The following PACSIN2 variants were observed in gnomAD, a reference collection of about 807,000 sequenced individuals.
The protein encoded by PACSIN2 is protein kinase C and casein kinase substrate in neurons 2.
A neutral mutation model predicts 63.8 loss-of-function variants in PACSIN2; 25 were observed. The observed-to-expected ratio is 0.39, with a 90% CI of 0.29 to 0.55. The LOEUF (loss-of-function observed/expected upper bound fraction) is 0.55, where lower values mean the gene tolerates loss of function less well. PACSIN2 is among the 20% of genes least tolerant of loss of function. PACSIN2 has a pLI of 0.62. For synonymous variants in PACSIN2, 255 were observed against 256.2 expected (o/e 1.00, Z 0.05); for missense variants, 518 against 646.9 (o/e 0.80, Z 2.16).
At chr22:42,879,261 T>C (rs1007509456) in intron 7 of PACSIN2, 92 bp from the exon 8 acceptor site, 17 of 1,412,644 alleles carry the variant, frequency 1.2e-5, no homozygotes, top group African/African-American at 1.1e-4. Context: ...GAGCCTGCAG[T>C]TGGCTCTGTG....
In PACSIN2 at chr22:42,989,891, C is replaced by G. The variant is rs551736365; in HGVS notation, c.-78+25130G>C. On this transcript the variant is annotated intron_variant, in intron 1 of 10. Coordinates refer to ENST00000263246, the MANE Select transcript of PACSIN2 (RefSeq NM_001184970.3). Reference sequence around the variant, plus strand: ...AAATATATATATATATATATACACACACACACACATATATGTATATATATG... The same window carrying G: ...AAATATATATATATATATATACACAGACACACACATATATGTATATATATG... Among the ~76,000 whole-genome samples, 449 of 148,566 alleles carry G rather than the reference C, an allele frequency of 3.0e-3. 3 individuals are homozygous for G. Among genetic ancestry groups the G allele is most frequent in the African/African-American group, 0.011 (442 of 40,480 alleles).
chr22:42,983,504 A>AC (rs1372550295), intron 1 of PACSIN2, among the ~76,000 whole-genome samples: 4 of 151,790 alleles, frequency 2.6e-5, no homozygotes, highest in Non-Finnish European at 2.9e-5. Flanking sequence ...AAAAAAAAAA[A>AC]AAAACAGATA....
intron 1 of PACSIN2, among the ~76,000 whole-genome samples, chr22:43,014,746 G>A (rs1382186180): frequency 1.4e-5 from 2 of 145,616 alleles, no homozygotes; most frequent in Admixed American, 6.8e-5. Context: ...CTCCCACAGC[G>A]CCGCCCCCAT....
intron 2 of PACSIN2, among the ~76,000 whole-genome samples, chr22:42,910,447 C>T (rs1931373419): frequency 6.6e-6 from 1 of 152,228 alleles, no homozygotes; most frequent in Admixed American, 6.5e-5. Flanking sequence ...GAGGCCACAG[C>T]CTCTCTGGGG....
chr22:42,944,245 G>C (rs969373597), intron 1 of PACSIN2, among the ~76,000 whole-genome samples: 3 of 152,208 alleles, frequency 2.0e-5, no homozygotes, highest in Admixed American at 2.0e-4. Flanking sequence ...GGGACACACA[G>C]ATCAAGCGAG....
At chr22:42,885,631 G>A (rs925836044) in intron 5 of PACSIN2, among the ~76,000 whole-genome samples, 1 of 151,990 alleles carries the variant, frequency 6.6e-6, no homozygotes, top group Non-Finnish European at 1.5e-5. Flanking sequence ...TCTGACTCAC[G>A]TGGCTCAGAG....
At chr22:43,008,387 A>G (rs1172348201) in intron 1 of PACSIN2, among the ~76,000 whole-genome samples, 1 of 152,024 alleles carries the variant, frequency 6.6e-6, no homozygotes, top group East Asian at 1.9e-4. Context: ...AGTAGCTGGG[A>G]TTACAGGCAC....
chr22:42,882,062 C>T, intron 7 of PACSIN2, 122 bp downstream of exon 7: 1 of 1,184,938 alleles, frequency 8.4e-7, no homozygotes, highest in South Asian at 1.3e-5. Context: ...TGCCTAAAGG[C>T]TGCCTGATAA....
chr22:42,971,895 G>GT lies in PACSIN2; in HGVS notation c.-78+43125_-78+43126insA, dbSNP rs1245925588. Among the ~76,000 whole-genome samples the GT allele has an allele frequency of 2.0e-5, 3 of 150,174 alleles. No individual in the cohort carries two copies. In the East Asian group the frequency reaches 6.1e-4, roughly 30 times the overall value. ...AGCAGCCCCGTTCGGGAGGTGGGGG[G>GT]CAGCCTCCACCCGGCCGCCGCCCCG... On this transcript the variant is annotated intron_variant, in intron 1 of 10. Coordinates refer to ENST00000263246, the MANE Select transcript of PACSIN2 (RefSeq NM_001184970.3).
At chr22:42,964,413 G>A (rs536799690) in intron 1 of PACSIN2, among the ~76,000 whole-genome samples, 14 of 107,994 alleles carry the variant, frequency 1.3e-4, no homozygotes, top group African/African-American at 5.8e-4. Flanking sequence ...GCGAGACTCC[G>A]TCTGGAAAAA....
chr22:42,980,406 C>G (rs965037162), intron 1 of PACSIN2, among the ~76,000 whole-genome samples: 2 of 151,956 alleles, frequency 1.3e-5, no homozygotes, highest in East Asian at 1.9e-4. Flanking sequence ...GCTGCATGAT[C>G]ACACCACGAC....
chr22:43,013,248 C>T (rs1924621378), intron 1 of PACSIN2, among the ~76,000 whole-genome samples: 1 of 152,208 alleles, frequency 6.6e-6, no homozygotes, highest in Admixed American at 6.5e-5. Flanking sequence ...CAGACCTAAT[C>T]ACCCATCTAC....
At chr22:42,942,201 A>C (rs1933202439) in intron 1 of PACSIN2, among the ~76,000 whole-genome samples, 1 of 151,768 alleles carries the variant, frequency 6.6e-6, no homozygotes, top group Non-Finnish European at 1.5e-5. Flanking sequence ...TGATCCTCCA[A>C]AGTAATGGGA....
At chr22:42,989,989 T>C (rs1435994414) in intron 1 of PACSIN2, among the ~76,000 whole-genome samples, 1 of 117,700 alleles carries the variant, frequency 8.5e-6, no homozygotes, top group African/African-American at 3.3e-5. Flanking sequence ...TATATTTATA[T>C]ATACATATAT....
intron 1 of PACSIN2, among the ~76,000 whole-genome samples, chr22:42,971,312 C>A (rs892666335): frequency 2.0e-4 from 30 of 152,118 alleles, no homozygotes; most frequent in Non-Finnish European, 3.5e-4. Flanking sequence ...GTCTCCAGCT[C>A]CCGACCGCAA....
intron 1 of PACSIN2, among the ~76,000 whole-genome samples, chr22:42,921,763 T>C (rs1932211364): frequency 6.7e-6 from 1 of 149,600 alleles, no homozygotes; most frequent in Non-Finnish European, 1.5e-5. Context: ...TTAGACAGAA[T>C]CTTGCTTTGT....
intron 1 of PACSIN2, among the ~76,000 whole-genome samples, chr22:43,012,194 C>T (rs768882094): frequency 3.6e-5 from 5 of 139,008 alleles, no homozygotes; most frequent in Non-Finnish European, 7.8e-5. Flanking sequence ...TACATACATA[C>T]ATACATACAA....
At chr22:42,873,094 T>C (rs1928297991) in intron 10 of PACSIN2, among the ~76,000 whole-genome samples, 1 of 152,208 alleles carries the variant, frequency 6.6e-6, no homozygotes, top group Non-Finnish European at 1.5e-5. Context: ...TTTGCATTGT[T>C]AAAAAGCAGG....
chr22:42,984,449 T>C (rs149990184), intron 1 of PACSIN2, among the ~76,000 whole-genome samples: 1 of 152,278 alleles, frequency 6.6e-6, no homozygotes, highest in Non-Finnish European at 1.5e-5. Flanking sequence ...CTGATGTTGA[T>C]ATGTGAACCT....
Sources: allele counts gnomAD v4.1 joint callset (sites outside exome capture counted in the v4.1 genomes callset), GRCh38; gene constraint gnomAD v4.1.1; transcripts MANE v1.5; gene names NCBI Gene and HGNC (gene_info 2026-07-23, HGNC 2026-07-21).